The following MPPED1 variants were observed in gnomAD, a reference collection of about 807,000 sequenced individuals.
The protein encoded by MPPED1 is metallophosphoesterase domain-containing protein 1.
In MPPED1, 16 loss-of-function variants were observed where a neutral mutation model predicts 36.2. The observed-to-expected ratio is 0.44, with a 90% CI of 0.30 to 0.67. The LOEUF (loss-of-function observed/expected upper bound fraction) is 0.67, where lower values mean the gene tolerates loss of function less well. MPPED1 is among the 30% of genes least tolerant of loss of function. The probability of loss-of-function intolerance (pLI) is 0.10; values close to 1 mark genes in which losing one functional copy is unlikely to be tolerated. For missense variants in MPPED1, 307 were observed against 453.4 expected (o/e 0.68, Z 2.93); for synonymous variants, 199 against 191.3 (o/e 1.04, Z -0.33).
rs930729655 is a variant in MPPED1, at chr22:43,477,661, T to A, written c.632+2700T>A. Among the ~76,000 whole-genome samples the A allele has an allele frequency of 1.1e-4, 16 of 152,168 alleles. 1 individual carries two copies. Among genetic ancestry groups the A allele is most frequent in the Admixed American group, 9.8e-4 (15 of 15,280 alleles). ...GGGAAGATGGGGAGGTGCAGGGCTG[T>A]CTCATCTTCCCTGGCCTCGGCAGGT... On this transcript the variant is annotated intron_variant, in intron 4 of 6. Transcript: ENST00000443721.
At chr22:43,452,123 T>A (rs1601970665) in intron 3 of MPPED1, among the ~76,000 whole-genome samples, 3 of 152,020 alleles carry the variant, frequency 2.0e-5, no homozygotes, top group Admixed American at 6.5e-5. Context: ...GTTCAAGCGA[T>A]TCTCCTGCCT....
At chr22:43,425,964 G>C (rs1929454385) in intron 2 of MPPED1, among the ~76,000 whole-genome samples, 1 of 152,202 alleles carries the variant, frequency 6.6e-6, no homozygotes, top group Non-Finnish European at 1.5e-5. Context: ...CCGAGGACCT[G>C]GAAAGCTGTG....
intron 1 of MPPED1, 103 bp from the exon 2 acceptor site, chr22:43,424,804 TC>T (rs1569064297): frequency 1.4e-6 from 2 of 1,401,366 alleles, no homozygotes; most frequent in African/African-American, 1.5e-5. Context: ...TGTTTTTTTT[TC>T]CTCTCCCCCC....
At chr22:43,470,076 C>G (rs1205535233) in intron 3 of MPPED1, among the ~76,000 whole-genome samples, 1 of 134,088 alleles carries the variant, frequency 7.5e-6, no homozygotes, top group Non-Finnish European at 1.7e-5. Flanking sequence ...ATCATCCATC[C>G]AGCCACCCAT....
At chr22:43,468,705 T>G (rs893134868) in intron 3 of MPPED1, among the ~76,000 whole-genome samples, 14 of 152,090 alleles carry the variant, frequency 9.2e-5, no homozygotes, top group African/African-American at 2.9e-4. Context: ...CAGCGGAGCC[T>G]CGCCAGGGTC....
At chr22:43,480,034 T>A (rs1931699954) in intron 4 of MPPED1, among the ~76,000 whole-genome samples, 1 of 152,150 alleles carries the variant, frequency 6.6e-6, no homozygotes, top group Non-Finnish European at 1.5e-5. Context: ...GGCTGATTTT[T>A]AAAATTATTT....
At chr22:43,485,891 G>A (rs28453058) in intron 4 of MPPED1, among the ~76,000 whole-genome samples, 11,943 of 152,324 alleles carry the variant, frequency 0.078, 1,374 homozygotes, top group African/African-American at 0.25. Flanking sequence ...TGATTGACGG[G>A]CTTTGGGGAC....
intron 3 of MPPED1, among the ~76,000 whole-genome samples, chr22:43,438,101 G>T (rs548602642): frequency 1.3e-5 from 2 of 152,304 alleles, no homozygotes; most frequent in East Asian, 3.9e-4. Flanking sequence ...AGTAGGCCCT[G>T]AGCACACAGG....
intron 2 of MPPED1, among the ~76,000 whole-genome samples, chr22:43,434,770 C>A (rs140264371): frequency 6.6e-6 from 1 of 152,364 alleles, no homozygotes; most frequent in Non-Finnish European, 1.5e-5. Flanking sequence ...ACCTTCCCAA[C>A]AGCCCCCCAA....
Position 43,505,898 on chromosome 22 carries a change from G to T in MPPED1, c.*282G>T. The T allele has an allele frequency of 2.8e-6, 1 of 356,120 alleles. No individual in the cohort carries two copies. Among genetic ancestry groups the T allele is most frequent in the Non-Finnish European group, 5.1e-6 (1 of 196,518 alleles). 22.1% of individuals were successfully genotyped at this position (356,120 alleles called of 1,614,324 possible). On this transcript the variant is annotated 3_prime_UTR_variant, in exon 7 of 7. Transcript: ENST00000443721. ...CTAAGCTCATGGCCCTGTCATGTTT[G>T]GGAAATGACTAAATCTTCATTCTTC...
intron 4 of MPPED1, among the ~76,000 whole-genome samples, chr22:43,488,779 G>A (rs1034707043): frequency 3.9e-5 from 6 of 152,248 alleles, no homozygotes; most frequent in Non-Finnish European, 1.5e-5. Context: ...CAGAAAGACA[G>A]AAATTCAGGA....
intron 4 of MPPED1, among the ~76,000 whole-genome samples, chr22:43,487,265 G>T (rs1602007592): frequency 6.6e-6 from 1 of 152,156 alleles, no homozygotes; most frequent in Non-Finnish European, 1.5e-5. Flanking sequence ...ATAAAATACG[G>T]GTCGTGGATG....
intron 1 of MPPED1, among the ~76,000 whole-genome samples, chr22:43,422,424 G>A (rs1929306234): frequency 6.6e-6 from 1 of 152,218 alleles, no homozygotes; most frequent in Admixed American, 6.5e-5. Flanking sequence ...GCCACCGGGG[G>A]CCGGCCTGTG....
At chr22:43,451,024 CTT>C (rs34974443) in intron 3 of MPPED1, among the ~76,000 whole-genome samples, 53 of 132,666 alleles carry the variant, frequency 4.0e-4, no homozygotes, top group Non-Finnish European at 3.5e-4. Flanking sequence ...CTGCATCTGG[CTT>C]TTTTTTTTTT....
intron 2 of MPPED1, among the ~76,000 whole-genome samples, chr22:43,433,670 A>C (rs866537611): frequency 1.3e-5 from 2 of 151,646 alleles, no homozygotes; most frequent in Middle Eastern, 6.9e-3. Context: ...GCTGCGGCGG[A>C]TGGAGCGCGC....
chr22:43,463,335 T>TC (rs1569077861), intron 3 of MPPED1, among the ~76,000 whole-genome samples: 3 of 141,416 alleles, frequency 2.1e-5, no homozygotes, highest in African/African-American at 8.8e-5. Context: ...TTTTTTCTTT[T>TC]TTTTTTTTTT....
intron 4 of MPPED1, among the ~76,000 whole-genome samples, chr22:43,484,061 G>A (rs1358510579): frequency 1.3e-5 from 2 of 152,272 alleles, no homozygotes; most frequent in Non-Finnish European, 2.9e-5. Flanking sequence ...TTAGGACTAT[G>A]TCGCCTGGTT....
chr22:43,466,227 C>T (rs1408449427), intron 3 of MPPED1, among the ~76,000 whole-genome samples: 2 of 152,218 alleles, frequency 1.3e-5, no homozygotes, highest in Admixed American at 6.5e-5. Context: ...AGTTTTGAAT[C>T]CAGCAGCCTC....
rs1199671412 is a variant in MPPED1, at chr22:43,506,525, G to GTCC, written c.*911_*913dup. 6.6e-6 allele frequency: 1 copy of GTCC among 152,304 alleles called. No homozygotes were observed. Among genetic ancestry groups the GTCC allele is most frequent in the Admixed American group, 6.5e-5 (1 of 15,288 alleles). 9.4% of individuals were successfully genotyped at this position (152,304 alleles called of 1,614,324 possible). ...CACCCCTCTTAATTGAACCAAGTGG[G>GTCC]TCCTGTGTTTCTCTTTTCTGCCCCG... On this transcript the variant is annotated 3_prime_UTR_variant, in exon 7 of 7. Transcript: ENST00000443721.
Sources: allele counts gnomAD v4.1 joint callset (sites outside exome capture counted in the v4.1 genomes callset), GRCh38; gene constraint gnomAD v4.1.1; transcripts MANE v1.5; gene names NCBI Gene and HGNC (gene_info 2026-07-23, HGNC 2026-07-21).